Variants in MYO18B observed in about 807,000 individuals in gnomAD.
MYO18B encodes the protein unconventional myosin-XVIIIb.
In MYO18B, 204 loss-of-function variants were observed where a neutral mutation model predicts 273.0. That is an observed-to-expected ratio of 0.75 (90% confidence interval 0.67 to 0.84). MYO18B has a LOEUF of 0.84. Among genes scored for constraint, MYO18B ranks in the 40% least tolerant of loss-of-function variants. MYO18B has a pLI of 0.00. For missense variants in MYO18B, 3,212 were observed against 3,287.6 expected (o/e 0.98, Z 0.56); for synonymous variants, 1,330 against 1,305.7 (o/e 1.02, Z -0.40).
chr22:26,005,458 G>A (rs796727574), intron 42 of MYO18B, among the ~76,000 whole-genome samples: 17 of 152,242 alleles, frequency 1.1e-4, no homozygotes, highest in African/African-American at 3.6e-4. Context: ...CAAATCTACA[G>A]AATTGCCAAC....
intron 12 of MYO18B, among the ~76,000 whole-genome samples, chr22:25,806,673 C>G (rs1346358311): frequency 6.6e-6 from 1 of 152,244 alleles, no homozygotes; most frequent in African/African-American, 2.4e-5. Flanking sequence ...TTCATCCAAG[C>G]TCATGCTTCT....
At chr22:25,942,941 C>T (rs1057179250) in intron 34 of MYO18B, among the ~76,000 whole-genome samples, 2 of 152,044 alleles carry the variant, frequency 1.3e-5, no homozygotes, top group African/African-American at 4.8e-5. Flanking sequence ...ATTTCTGGAT[C>T]ATGCACCATT....
intron 39 of MYO18B, among the ~76,000 whole-genome samples, chr22:25,965,695 A>G (rs1004113979): frequency 6.6e-6 from 1 of 152,244 alleles, no homozygotes; most frequent in African/African-American, 2.4e-5. Flanking sequence ...TAGCAAAATA[A>G]TTAGAAAGCA....
intron 40 of MYO18B, among the ~76,000 whole-genome samples, chr22:25,999,493 G>A (rs1933684313): frequency 1.3e-5 from 2 of 149,892 alleles, no homozygotes; most frequent in South Asian, 4.2e-4. Context: ...TAAATTCCTG[G>A]CACAAGTTCA....
chr22:25,996,390 TA>T (rs1933248586), intron 40 of MYO18B, among the ~76,000 whole-genome samples: 1 of 152,224 alleles, frequency 6.6e-6, no homozygotes, highest in African/African-American at 2.4e-5. Context: ...TTGTTATCGT[TA>T]TTCTCCCTCT....
chr22:26,031,830 G>A (rs958478359), downstream of MYO18B, among the ~76,000 whole-genome samples: 2 of 152,224 alleles, frequency 1.3e-5, no homozygotes, highest in African/African-American at 4.8e-5. Flanking sequence ...TGGTGGAACA[G>A]TGGACCCTGT....
intron 1 of MYO18B, among the ~76,000 whole-genome samples, chr22:25,757,117 A>C (rs544711873): frequency 7.2e-5 from 11 of 152,202 alleles, no homozygotes; most frequent in Non-Finnish European, 1.5e-4. Context: ...GCTATAGAAC[A>C]CTAGTACTTA....
intron 11 of MYO18B, among the ~76,000 whole-genome samples, chr22:25,788,895 C>T (rs916414456): frequency 6.6e-6 from 1 of 152,210 alleles, no homozygotes; most frequent in Non-Finnish European, 1.5e-5. Context: ...GTGACCTCAT[C>T]TCCTTGGGCC....
intron 39 of MYO18B, among the ~76,000 whole-genome samples, chr22:25,990,626 G>A (rs1480043864): frequency 7.2e-6 from 1 of 138,120 alleles, no homozygotes; most frequent in African/African-American, 2.7e-5. Context: ...GGTGGAGGTT[G>A]CAGTGAGCTG....
rs751693854 is a variant in MYO18B at position 25,890,799 on chromosome 22, G to C, written c.4358G>C (p.Gly1453Ala). The change falls in exon 26 of 44, where the codon GGT becomes GCT. Residue 1453 changes from glycine (G) to alanine (A), a missense_variant. Coordinates refer to ENST00000335473, the MANE Select transcript of MYO18B (RefSeq NM_032608.7). Reference protein sequence around the residue: ...TSDLADERFKGDVACQVLESE... With the variant: ...TSDLADERFKADVACQVLESE... ...GACCTTGCCGATGAGCGCTTCAAAG[G>C]TGATGTGGCCTGCCAGGTGCTGGAG... 4 of 1,613,818 alleles carry C rather than the reference G, an allele frequency of 2.5e-6. No homozygotes were observed. The highest frequency in any genetic ancestry group is 3.4e-6 in the Non-Finnish European group (4 of 1,179,882).
chr22:25,774,875 C>T (rs935441915), intron 7 of MYO18B, among the ~76,000 whole-genome samples: 7 of 152,238 alleles, frequency 4.6e-5, no homozygotes, highest in African/African-American at 1.7e-4. Context: ...ATGGGTGCGA[C>T]CCCGTGGGTA....
chr22:25,909,087 T>C (rs1006435383), intron 32 of MYO18B, among the ~76,000 whole-genome samples: 2 of 152,242 alleles, frequency 1.3e-5, no homozygotes, highest in African/African-American at 4.8e-5. Flanking sequence ...CTCTAACTTA[T>C]ACAGTAAATC....
At chr22:26,060,377 C>T in the MYO18B span, among the ~76,000 whole-genome samples, 2 of 152,194 alleles carry the variant, frequency 1.3e-5, no homozygotes, top group South Asian at 2.1e-4. Context: ...AGAGAAACCA[C>T]CTAACCTTGT....
intron 39 of MYO18B, among the ~76,000 whole-genome samples, chr22:25,976,838 T>G (rs1471479308): frequency 6.6e-6 from 1 of 152,212 alleles, no homozygotes; most frequent in East Asian, 1.9e-4. Flanking sequence ...TCAAGCTCAT[T>G]TAAGATGTTT....
chr22:25,822,586 A>G (rs1057068077), intron 12 of MYO18B, among the ~76,000 whole-genome samples: 3 of 152,052 alleles, frequency 2.0e-5, no homozygotes, highest in African/African-American at 7.2e-5. Context: ...GTACACAGTA[A>G]GCAGATGGCT....
At chr22:25,808,099 G>A (rs901835012) in intron 12 of MYO18B, among the ~76,000 whole-genome samples, 7 of 152,204 alleles carry the variant, frequency 4.6e-5, no homozygotes, top group Non-Finnish European at 7.4e-5. Context: ...CAGTGCCCCC[G>A]ACCATTCTCT....
chr22:25,826,807 C>A (rs917166612), intron 14 of MYO18B, among the ~76,000 whole-genome samples: 2 of 152,170 alleles, frequency 1.3e-5, no homozygotes, highest in African/African-American at 4.8e-5. Context: ...TGCCTGTAAT[C>A]CCAGTACTTT....
intron 17 of MYO18B, 90 bp from the exon 18 acceptor site, chr22:25,843,645 A>T: frequency 7.4e-7 from 1 of 1,355,132 alleles, no homozygotes; most frequent in Non-Finnish European, 1.0e-6. Flanking sequence ...GAAACACGTT[A>T]AGATGGATAC....
intron 3 of MYO18B, among the ~76,000 whole-genome samples, chr22:25,765,438 G>C (rs567814376): frequency 1.3e-5 from 2 of 152,266 alleles, no homozygotes; most frequent in African/African-American, 4.8e-5. Context: ...CAAGGCTTGG[G>C]GAAGTGACCT....
Sources: allele counts gnomAD v4.1 joint callset (sites outside exome capture counted in the v4.1 genomes callset), GRCh38; gene constraint gnomAD v4.1.1; transcripts MANE v1.5; gene names NCBI Gene and HGNC (gene_info 2026-07-23, HGNC 2026-07-21).